Variants in E2F5 observed in about 807,000 individuals in gnomAD.
E2F5 encodes transcription factor E2F5.
E2F5 carries 23 observed loss-of-function variants against 39.1 expected under a neutral mutation model. The ratio of observed to expected loss-of-function variants is 0.59; its 90% CI spans 0.42 to 0.83. E2F5 has a LOEUF of 0.83. E2F5 is among the 40% of genes least tolerant of loss of function. E2F5 has a pLI of 0.00. For synonymous variants in E2F5, 145 were observed against 157.8 expected (o/e 0.92, Z 0.61); for missense variants, 365 against 406.7 (o/e 0.90, Z 0.88).
intron 3 of E2F5, among the ~76,000 whole-genome samples, chr8:85,205,240 C>CT (rs113241527): frequency 1.2e-3 from 176 of 144,566 alleles, no homozygotes; most frequent in Middle Eastern, 7.2e-3. Context: ...CCCCACCCTG[C>CT]TTTTTTTTTT....
At chr8:85,210,120 A>C (rs926225564) in intron 6 of E2F5, among the ~76,000 whole-genome samples, 1 of 152,236 alleles carries the variant, frequency 6.6e-6, no homozygotes, top group Non-Finnish European at 1.5e-5. Flanking sequence ...TCTCTCAGTG[A>C]CTACTGAATG....
intron 1 of E2F5, among the ~76,000 whole-genome samples, chr8:85,195,530 C>T (rs1052675561): frequency 6.6e-6 from 1 of 152,102 alleles, no homozygotes; most frequent in Non-Finnish European, 1.5e-5. Flanking sequence ...CACTCTGTCA[C>T]CCAGGCTAGA....
rs912205463 is a variant in E2F5 at position 85,213,957 on chromosome 8, CT to C, written c.*101del. The C allele has an allele frequency of 4.2e-6, 3 of 711,660 alleles. No individual in the cohort carries two copies. Among genetic ancestry groups the C allele is most frequent in the African/African-American group, 3.6e-5 (2 of 55,452 alleles). The allele number at this position is 711,660 out of a possible 1,614,324, so 44.1% of individuals were successfully genotyped here. ...ATATTTAAAATAATGAATGTAACAC[CT>C]TTTTTAGTTCACTGATTCTGAAGTG... On this transcript the variant is annotated 3_prime_UTR_variant, in exon 8 of 8. Coordinates refer to ENST00000416274, the MANE Select transcript of E2F5 (RefSeq NM_001951.4).
intron 1 of E2F5, among the ~76,000 whole-genome samples, chr8:85,191,443 A>G (rs1015309492): frequency 6.6e-6 from 1 of 152,186 alleles, no homozygotes; most frequent in Non-Finnish European, 1.5e-5. Flanking sequence ...ACCACACACA[A>G]AAAAAATGAT....
chr8:85,203,710 T>G (rs544069794), intron 3 of E2F5, among the ~76,000 whole-genome samples: 1 of 151,506 alleles, frequency 6.6e-6, no homozygotes, highest in South Asian at 2.1e-4. Flanking sequence ...TGATACTTTC[T>G]GCCTAACATG....
chr8:85,212,305 T>G, intron 7 of E2F5, 101 bp downstream of exon 7: 1 of 829,652 alleles, frequency 1.2e-6, no homozygotes, highest in Non-Finnish European at 1.9e-6. Context: ...ATTTGCTACC[T>G]GCTTTACTAT....
intron 3 of E2F5, among the ~76,000 whole-genome samples, chr8:85,204,270 T>C (rs1311615620): frequency 6.6e-6 from 1 of 152,124 alleles, no homozygotes; most frequent in African/African-American, 2.4e-5. Context: ...GTGTGATATA[T>C]ATAAAGTTTT....
rs889979856 is a variant in E2F5, at chr8:85,212,181, T to C, written c.908T>C (p.Ile303Thr). Residue 303 changes from isoleucine to threonine, a missense_variant, in exon 7 of 8, where the codon ATT (isoleucine) becomes ACT (threonine). Coordinates refer to ENST00000416274, the MANE Select transcript of E2F5 (RefSeq NM_001951.4). ...GCAGGATCTATTAGTGGAGATATCATTGATGAGTTAATGTCTTCTGACGGT... is the reference window on the plus strand; with the variant it reads ...GCAGGATCTATTAGTGGAGATATCACTGATGAGTTAATGTCTTCTGACGGT... ...SSAGSISGDI[I>T]DELMSSDVFP... 5 of 1,611,044 alleles carry C rather than the reference T, an allele frequency of 3.1e-6. No homozygotes were observed. The highest frequency in any genetic ancestry group is 1.3e-5 in the African/African-American group (1 of 74,848).
intron 1 of E2F5, among the ~76,000 whole-genome samples, chr8:85,183,346 G>T (rs1330212455): frequency 2.0e-5 from 3 of 152,202 alleles, no homozygotes; most frequent in Non-Finnish European, 4.4e-5. Flanking sequence ...ATGTGGGTAG[G>T]ACAGCGAGAA....
rs1011751673 is a variant in E2F5, at chr8:85,214,220, G to C, written c.*358G>C. The C allele has an allele frequency of 3.7e-6, 2 of 541,116 alleles. No individual in the cohort carries two copies. Among genetic ancestry groups the C allele is most frequent in the African/African-American group, 1.9e-5 (1 of 53,488 alleles). The allele number at this position is 541,116 out of a possible 1,614,324, so 33.5% of individuals were successfully genotyped here. ...CAAGTTGGCCAAGGACTCATTACTT[G>C]TCTTATATTTTTACTGCCACTAAAC... On this transcript the variant is annotated 3_prime_UTR_variant, in exon 8 of 8. Transcript: ENST00000416274.
chr8:85,190,942 G>C (rs1357694782), intron 1 of E2F5, among the ~76,000 whole-genome samples: 1 of 152,116 alleles, frequency 6.6e-6, no homozygotes, highest in Non-Finnish European at 1.5e-5. Flanking sequence ...TGGAAGAAGG[G>C]GTCATGAGCC....
At chr8:85,207,316 C>T in intron 4 of E2F5, 109 bp from the exon 5 acceptor site, 1 of 821,224 alleles carries the variant, frequency 1.2e-6, no homozygotes, top group Non-Finnish European at 1.9e-6. Flanking sequence ...CTCAAGGTCA[C>T]CTAGTTTGGG....
intron 1 of E2F5, among the ~76,000 whole-genome samples, chr8:85,179,289 G>C (rs936441093): frequency 1.3e-5 from 2 of 152,122 alleles, no homozygotes; most frequent in Non-Finnish European, 2.9e-5. Flanking sequence ...GAACTCTGAC[G>C]GCTGGACTTT....
At chr8:85,205,265 T>G (rs1587497763) in intron 3 of E2F5, among the ~76,000 whole-genome samples, 1 of 147,506 alleles carries the variant, frequency 6.8e-6, no homozygotes, top group African/African-American at 2.5e-5. Context: ...TGAGATGGAG[T>G]CGCTCTGTTG....
chr8:85,207,669 C>T (rs1395506881), intron 5 of E2F5, among the ~76,000 whole-genome samples, 180 bp downstream of exon 5: 3 of 152,116 alleles, frequency 2.0e-5, no homozygotes, highest in African/African-American at 4.8e-5. Flanking sequence ...AATTATAGAA[C>T]TAAATGAATC....
chr8:85,189,715 G>T (rs1423367575), intron 1 of E2F5, among the ~76,000 whole-genome samples: 4 of 152,112 alleles, frequency 2.6e-5, no homozygotes, highest in African/African-American at 9.7e-5. Context: ...TCATAATTTT[G>T]ATCTGTCACA....
chr8:85,197,024 T>C (rs1812595928), intron 1 of E2F5, among the ~76,000 whole-genome samples: 1 of 152,210 alleles, frequency 6.6e-6, no homozygotes, highest in Non-Finnish European at 1.5e-5. Context: ...GGAGCATCAG[T>C]TGGGGGCCTT....
intron 5 of E2F5, among the ~76,000 whole-genome samples, chr8:85,207,964 G>A (rs1812832276): frequency 6.6e-6 from 1 of 152,120 alleles, no homozygotes. Flanking sequence ...TTTTAAATTT[G>A]AATTTTTTAA....
intron 1 of E2F5, among the ~76,000 whole-genome samples, chr8:85,185,221 C>T (rs953512503): frequency 2.6e-5 from 4 of 152,072 alleles, no homozygotes; most frequent in East Asian, 1.9e-4. Context: ...ACATCTACAA[C>T]CATCTGATCT....
Sources: gnomAD v4.1 joint callset for allele counts (sites outside exome capture counted in the v4.1 genomes callset) on GRCh38, gnomAD v4.1.1 for gene constraint, MANE v1.5 for transcripts, NCBI Gene and HGNC (gene_info 2026-07-23, HGNC 2026-07-21) for gene names.